Variants in TMPRSS2 observed in about 807,000 individuals in gnomAD.
TMPRSS2 encodes the protein transmembrane serine protease 2, also known as transmembrane protease serine 2.
In TMPRSS2, 59 loss-of-function variants were observed where a neutral mutation model predicts 67.4. The ratio of observed to expected loss-of-function variants is 0.88; its 90% CI spans 0.71 to 1.09. TMPRSS2 has a LOEUF of 1.09. Among genes scored for constraint, TMPRSS2 ranks in the 50% least tolerant of loss-of-function variants. TMPRSS2 has a pLI of 0.00. For synonymous variants in TMPRSS2, 257 were observed against 257.0 expected, an observed-to-expected ratio of 1.00 and a Z score of 0.00; for missense variants, 668 against 642.7, an observed-to-expected ratio of 1.04 and a Z score of -0.43.
intron 11 of TMPRSS2, among the ~76,000 whole-genome samples, chr21:41,470,280 C>G (rs2091120699): frequency 6.6e-6 from 1 of 152,106 alleles, no homozygotes; most frequent in Non-Finnish European, 1.5e-5. Context: ...CCAGGATGCC[C>G]GTCCTCACCA....
intron 5 of TMPRSS2, 105 bp downstream of exon 5, chr21:41,488,289 G>A: frequency 7.5e-7 from 1 of 1,340,366 alleles, no homozygotes; most frequent in Non-Finnish European, 1.0e-6. Context: ...TCATGTGTCA[G>A]CGTACTGGAC....
intron 3 of TMPRSS2, among the ~76,000 whole-genome samples, chr21:41,490,664 T>C (rs2091328682): frequency 6.6e-6 from 1 of 152,218 alleles, no homozygotes; most frequent in Non-Finnish European, 1.5e-5. Flanking sequence ...GGTCAGAGGG[T>C]AAGCCAAAAG....
intron 1 of TMPRSS2, among the ~76,000 whole-genome samples, chr21:41,507,453 C>T (rs2091466011): frequency 6.6e-6 from 1 of 152,192 alleles, no homozygotes; most frequent in South Asian, 2.1e-4. Context: ...GCAGTCCCTC[C>T]CCGAGACTGA....
At chr21:41,489,815 C>T (rs147945120) in intron 3 of TMPRSS2, among the ~76,000 whole-genome samples, 8 of 152,246 alleles carry the variant, frequency 5.3e-5, no homozygotes, top group Non-Finnish European at 8.8e-5. Flanking sequence ...AAGCTGTGAT[C>T]TTCAGCAAAG....
intron 1 of TMPRSS2, among the ~76,000 whole-genome samples, chr21:41,506,819 A>G (rs895510520): frequency 6.6e-6 from 1 of 152,124 alleles, no homozygotes; most frequent in African/African-American, 2.4e-5. Context: ...GTAATTTTCC[A>G]TGATTCGGGA....
chr21:41,507,854 C>A, intron 1 of TMPRSS2: 4 of 1,362,028 alleles, frequency 2.9e-6, no homozygotes, highest in South Asian at 1.5e-5. Flanking sequence ...GGCTCTCGGC[C>A]GTGCGCAAGG....
rs2091238724 is a variant in TMPRSS2, at chr21:41,479,260, CT to C, written c.594del (p.Gly199GlufsTer2). 1 of 1,613,626 alleles carries C rather than the reference CT, an allele frequency of 6.2e-7. No homozygotes were observed. The highest frequency in any genetic ancestry group is 1.1e-5 in the South Asian group (1 of 91,046). ...MGYKNNFYSS[Q>X]GIVDDSGSTS... Reference sequence around the variant, plus strand: ...GTGGATCCGCTGTCATCCACTATTCCTTGGCTAGAGTAAAAATTATTCCTAA... The same window carrying C: ...GTGGATCCGCTGTCATCCACTATTCCTGGCTAGAGTAAAAATTATTCCTAA... On this transcript the variant is annotated frameshift_variant, in exon 7 of 14. Coordinates refer to ENST00000332149, the MANE Select transcript of TMPRSS2 (RefSeq NM_005656.4). LOFTEE classifies it high-confidence loss of function.
intron 10 of TMPRSS2, 34 bp from the exon 11 acceptor site, chr21:41,470,777 C>A (rs374517260): frequency 1.6e-5 from 10 of 613,982 alleles, no homozygotes; most frequent in Admixed American, 5.5e-5. Flanking sequence ...GTGAGCCAGG[C>A]GGGTATCACC....
At chr21:41,493,937 T>C (rs1207968206) in intron 3 of TMPRSS2, among the ~76,000 whole-genome samples, 5 of 152,198 alleles carry the variant, frequency 3.3e-5, no homozygotes, top group African/African-American at 1.2e-4. Context: ...ACAGAGAGCA[T>C]CTTAAACATG....
At chr21:41,486,929 C>G (rs1407904642) in intron 5 of TMPRSS2, 1 of 152,010 alleles carries the variant, frequency 6.6e-6, no homozygotes. Context: ...GACTTTGCAC[C>G]GTGGGGGTGG....
intron 1 of TMPRSS2, among the ~76,000 whole-genome samples, chr21:41,505,473 G>A (rs531439352): frequency 1.3e-5 from 2 of 152,302 alleles, no homozygotes; most frequent in Non-Finnish European, 2.9e-5. Context: ...GGTACTGCAC[G>A]CATCTACCTT....
At chr21:41,490,923 T>TC (rs1330161809) in intron 3 of TMPRSS2, among the ~76,000 whole-genome samples, 2 of 152,084 alleles carry the variant, frequency 1.3e-5, no homozygotes, top group African/African-American at 4.8e-5. Flanking sequence ...AGCCTGGAAC[T>TC]CCCCACCTGG....
At chr21:41,501,286 T>A (rs972527688) in intron 1 of TMPRSS2, among the ~76,000 whole-genome samples, 2 of 152,174 alleles carry the variant, frequency 1.3e-5, no homozygotes, top group Non-Finnish European at 2.9e-5. Context: ...GACTTTGGAA[T>A]GGAAGACCAG....
At chr21:41,506,771 G>A (rs991551299) in intron 1 of TMPRSS2, among the ~76,000 whole-genome samples, 5 of 152,196 alleles carry the variant, frequency 3.3e-5, no homozygotes, top group Non-Finnish European at 5.9e-5. Flanking sequence ...CTCACTTTAG[G>A]TTTTCCAAAT....
chr21:41,506,292 G>T (rs1279649526), intron 1 of TMPRSS2, among the ~76,000 whole-genome samples: 1 of 152,220 alleles, frequency 6.6e-6, no homozygotes, highest in Admixed American at 6.5e-5. Flanking sequence ...CAAAAGCCCA[G>T]CCAGCTCACC....
chr21:41,475,998 A>T (rs1170574638), intron 8 of TMPRSS2, among the ~76,000 whole-genome samples: 1 of 152,000 alleles, frequency 6.6e-6, no homozygotes, highest in Non-Finnish European at 1.5e-5. Context: ...GCCATCCCAG[A>T]GGAGAGGGAC....
intron 9 of TMPRSS2, 124 bp downstream of exon 9, chr21:41,473,201 G>T: frequency 8.8e-7 from 1 of 1,141,824 alleles, no homozygotes; most frequent in Non-Finnish European, 1.2e-6. Flanking sequence ...GGAAGCAGGT[G>T]CAATACTCTC....
chr21:41,482,302 G>A (rs2091263060), intron 5 of TMPRSS2, among the ~76,000 whole-genome samples: 1 of 152,084 alleles, frequency 6.6e-6, no homozygotes, highest in Non-Finnish European at 1.5e-5. Flanking sequence ...ACTTTTTGCT[G>A]GGCAGGATAA....
chr21:41,488,311 CCA>C (rs1453625602), intron 5 of TMPRSS2, 81 bp downstream of exon 5: 37 of 1,532,884 alleles, frequency 2.4e-5, no homozygotes, highest in Non-Finnish European at 3.0e-5. Flanking sequence ...CACGCCAGGC[CCA>C]GTCACCCAAA....
Sources: gnomAD v4.1 joint callset for allele counts (sites outside exome capture counted in the v4.1 genomes callset) on GRCh38, gnomAD v4.1.1 for gene constraint, MANE v1.5 for transcripts, NCBI Gene and HGNC (gene_info 2026-07-23, HGNC 2026-07-21) for gene names.